WWOX: variants seen among roughly 807,000 people sequenced by gnomAD.
The protein encoded by WWOX is WW domain-containing oxidoreductase.
A neutral mutation model predicts 46.2 loss-of-function variants in WWOX; 69 were observed. The ratio of observed to expected loss-of-function variants is 1.49; its 90% CI spans 1.23 to 1.82. The LOEUF (loss-of-function observed/expected upper bound fraction) is 1.82, where lower values mean the gene tolerates loss of function less well. Among genes scored for constraint, WWOX ranks in the 40% most tolerant of loss-of-function variants. WWOX has a pLI of 0.00. For missense variants in WWOX, 919 were observed against 542.6 expected (o/e 1.69, Z -6.89); for synonymous variants, 359 against 202.6 (o/e 1.77, Z -6.56).
At chr16:78,680,846 C>T (rs951882088) in intron 8 of WWOX, among the ~76,000 whole-genome samples, 2 of 152,112 alleles carry the variant, frequency 1.3e-5, no homozygotes, top group Non-Finnish European at 2.9e-5. Flanking sequence ...CATGGTGGCT[C>T]ATGCCTGTAA....
chr16:78,563,481 G>A (rs34192920), intron 8 of WWOX, among the ~76,000 whole-genome samples: 23,240 of 145,240 alleles, frequency 0.16, 2,290 homozygotes, highest in African/African-American at 0.28. Context: ...ACGGGCACTC[G>A]TGTGGGTGAA....
intron 5 of WWOX, among the ~76,000 whole-genome samples, chr16:78,373,766 C>G (rs2081752252): frequency 6.6e-6 from 1 of 151,694 alleles, no homozygotes; most frequent in Admixed American, 6.6e-5. Context: ...CCAAGTTTTT[C>G]TTATTTTTAA....
At chr16:78,456,058 G>A (rs375617570) in intron 8 of WWOX, among the ~76,000 whole-genome samples, 69 of 152,340 alleles carry the variant, frequency 4.5e-4, no homozygotes, top group African/African-American at 1.5e-3. Context: ...GAGGGAATCA[G>A]TGACGTGGAC....
At chr16:79,150,375 A>T (rs982226928) in intron 8 of WWOX, among the ~76,000 whole-genome samples, 21 of 152,350 alleles carry the variant, frequency 1.4e-4, no homozygotes, top group Middle Eastern at 6.8e-3. Context: ...ATAATTATAT[A>T]GCATAGCATA....
intron 8 of WWOX, among the ~76,000 whole-genome samples, chr16:78,750,302 A>G (rs1224110437): frequency 6.6e-6 from 1 of 152,116 alleles, no homozygotes; most frequent in Admixed American, 6.5e-5. Context: ...GAGAGGCACA[A>G]AATTTCATAG....
chr16:78,104,749 A>G (rs113078531), intron 1 of WWOX, among the ~76,000 whole-genome samples: 23 of 152,356 alleles, frequency 1.5e-4, no homozygotes, highest in African/African-American at 5.3e-4. Context: ...ATAATTAAAA[A>G]GAACATCTTT....
At chr16:78,276,141 T>C (rs1646873947) in intron 5 of WWOX, among the ~76,000 whole-genome samples, 1 of 152,168 alleles carries the variant, frequency 6.6e-6, no homozygotes, top group South Asian at 2.1e-4. Context: ...CCTTAACTCA[T>C]GAGTGGTAGT....
At chr16:78,627,855 C>T (rs2046345070) in intron 8 of WWOX, among the ~76,000 whole-genome samples, 1 of 152,196 alleles carries the variant, frequency 6.6e-6, no homozygotes, top group Non-Finnish European at 1.5e-5. Flanking sequence ...TGTTAGTCAA[C>T]ATCAAATGTC....
chr16:79,024,137 G>A (rs2047590306), intron 8 of WWOX, among the ~76,000 whole-genome samples: 2 of 152,182 alleles, frequency 1.3e-5, no homozygotes, highest in African/African-American at 4.8e-5. Flanking sequence ...AGCATTCAAG[G>A]TTTCTTTTGG....
chr16:78,377,205 G>A (rs897262434), intron 5 of WWOX, among the ~76,000 whole-genome samples: 4 of 152,170 alleles, frequency 2.6e-5, no homozygotes, highest in African/African-American at 7.2e-5. Context: ...TGTCCAGTAC[G>A]TTGCCTTTTA....
At chr16:78,900,105 C>G (rs1468941020) in intron 8 of WWOX, among the ~76,000 whole-genome samples, 2 of 115,360 alleles carry the variant, frequency 1.7e-5, no homozygotes, top group Admixed American at 1.9e-4. Flanking sequence ...GCTGCTCCTT[C>G]TCTATTTTAT....
rs555469865 is a variant in WWOX, at chr16:78,522,049, G to A, written c.1056+89297G>A. On this transcript the variant is annotated intron_variant, in intron 8 of 8. Transcript: ENST00000566780. ...ATGAATCACTTTGTAGTAAGTGGGA[G>A]AGCTGTTGCAAACCCACGTCTGTCT... is the stretch of plus-strand genomic sequence containing the variant. Among the ~76,000 whole-genome samples, 6 of 151,636 alleles carry A rather than the reference G, an allele frequency of 4.0e-5. No homozygotes were observed. In the East Asian group the frequency reaches 5.8e-4, roughly 15 times the overall value.
At chr16:79,146,589 T>C (rs1007078932) in intron 8 of WWOX, among the ~76,000 whole-genome samples, 1 of 152,166 alleles carries the variant, frequency 6.6e-6, no homozygotes, top group Non-Finnish European at 1.5e-5. Context: ...ATAAGGATAA[T>C]AACAGCCATT....
At chr16:78,683,445 C>T (rs1274844111) in intron 8 of WWOX, among the ~76,000 whole-genome samples, 1 of 151,814 alleles carries the variant, frequency 6.6e-6, no homozygotes, top group Non-Finnish European at 1.5e-5. Context: ...GAGGCTGAGG[C>T]ACTAGTATCA....
intron 8 of WWOX, among the ~76,000 whole-genome samples, chr16:79,035,949 C>T (rs2047857772): frequency 6.6e-6 from 1 of 152,216 alleles, no homozygotes; most frequent in Middle Eastern, 3.2e-3. Flanking sequence ...TCTTAGAAGG[C>T]CATGCCTACA....
In WWOX at chr16:78,208,500, C is replaced by T. The variant is rs534511193; in HGVS notation, c.516+44211C>T. Among the ~76,000 whole-genome samples, 9 of 152,202 alleles carry T rather than the reference C, an allele frequency of 5.9e-5. No homozygotes were observed. In the South Asian group the frequency reaches 1.5e-3, roughly 25 times the overall value. ...AAAAACCTGTTATGGAATATGAATA[C>T]GTGGCACTATTTTTTCTTTTAGGGT... On this transcript the variant is annotated intron_variant, in intron 5 of 8. Transcript: ENST00000566780.
Position 78,367,716 on chromosome 16 carries a change from A to G in WWOX, c.517-19144A>G, listed in dbSNP as rs1382081928. 4.0e-5 allele frequency among the ~76,000 whole-genome samples: 6 copies of G among 151,852 alleles called. No homozygotes were observed. The East Asian group carries it at 5.8e-4, about 15-fold the overall frequency. ...TTGGAAGGAGAATTGACTTGTCACA[A>G]TGGACGGAGAACTACCATCCCATTT... On this transcript the variant is annotated intron_variant, in intron 5 of 8. Coordinates refer to ENST00000566780, the MANE Select transcript of WWOX (RefSeq NM_016373.4).
intron 8 of WWOX, among the ~76,000 whole-genome samples, chr16:78,918,035 C>T (rs944185938): frequency 6.6e-6 from 1 of 152,044 alleles, no homozygotes; most frequent in African/African-American, 2.4e-5. Context: ...GACCCCACCT[C>T]TACAAAATAT....
intron 5 of WWOX, chr16:78,264,758 T>G (rs550359525): frequency 6.6e-6 from 1 of 152,564 alleles, no homozygotes; most frequent in African/African-American, 2.4e-5. Context: ...GTTTGCTGCC[T>G]TCTGCCATGT....
Sources: gnomAD v4.1 joint callset for allele counts (sites outside exome capture counted in the v4.1 genomes callset) on GRCh38, gnomAD v4.1.1 for gene constraint, MANE v1.5 for transcripts, NCBI Gene and HGNC (gene_info 2026-07-23, HGNC 2026-07-21) for gene names.